Variants in C3orf49 observed in about 807,000 individuals in gnomAD.
C3orf49 encodes chromosome 3 open reading frame 49.
A neutral mutation model predicts 13.3 loss-of-function variants in C3orf49; 27 were observed. That is an observed-to-expected ratio of 2.02 (90% CI 1.49 to 2.79). The LOEUF (loss-of-function observed/expected upper bound fraction) is 2.79, where lower values mean the gene tolerates loss of function less well. Ranked by LOEUF, C3orf49 falls within the 30% of genes most tolerant of loss-of-function variation. The pLI, the probability that C3orf49 is intolerant of heterozygous loss-of-function variation, is 0.00. For synonymous variants in C3orf49, 87 were observed against 47.6 expected (o/e 1.83, Z -3.40); for missense variants, 242 against 134.2 (o/e 1.80, Z -3.97).
intron 5 of C3orf49, chr3:63,836,249 G>A (rs907693799): frequency 7.8e-6 from 12 of 1,543,676 alleles, no homozygotes; most frequent in African/African-American, 1.4e-5. Flanking sequence ...GGTAGTTTTC[G>A]AGCATTTATG....
At chr3:63,797,543 TCA>T in the C3orf49 span, among the ~76,000 whole-genome samples, 1 of 152,136 alleles carries the variant, frequency 6.6e-6, no homozygotes, top group East Asian at 1.9e-4. Context: ...ACACAGTTTC[TCA>T]CTCTCCTGCT....
the C3orf49 span, among the ~76,000 whole-genome samples, chr3:63,804,655 T>C: frequency 6.6e-6 from 1 of 152,314 alleles, no homozygotes; most frequent in South Asian, 2.1e-4. Flanking sequence ...TCTGCCTTTC[T>C]TGGCTGTTAC....
intron 5 of C3orf49, among the ~76,000 whole-genome samples, chr3:63,840,671 G>A (rs935005870): frequency 6.6e-6 from 1 of 152,182 alleles, no homozygotes; most frequent in Non-Finnish European, 1.5e-5. Context: ...TGTCTGCCTG[G>A]CAGTCCTGAG....
chr3:63,795,944 T>C, the C3orf49 span, among the ~76,000 whole-genome samples: 1 of 152,076 alleles, frequency 6.6e-6, no homozygotes, highest in Non-Finnish European at 1.5e-5. Context: ...GCCAACGTGT[T>C]TAGGGGGAAA....
the C3orf49 span, among the ~76,000 whole-genome samples, chr3:63,796,540 T>C: frequency 6.6e-6 from 1 of 152,184 alleles, no homozygotes; most frequent in Non-Finnish European, 1.5e-5. Context: ...CTAGCCTGTT[T>C]CTTCCTCGGG....
upstream of C3orf49, among the ~76,000 whole-genome samples, chr3:63,816,967 G>A (rs1036335460): frequency 6.6e-6 from 1 of 151,648 alleles, no homozygotes; most frequent in Non-Finnish European, 1.5e-5. Flanking sequence ...TAGAGATGGG[G>A]GTTTCACCAC....
At chr3:63,790,189 G>C in the C3orf49 span, among the ~76,000 whole-genome samples, 1 of 152,148 alleles carries the variant, frequency 6.6e-6, no homozygotes, top group East Asian at 1.9e-4. Flanking sequence ...GGGTATGCAA[G>C]TGGAGTATGA....
chr3:63,820,089 C>T (rs1701374893), intron 1 of C3orf49, among the ~76,000 whole-genome samples: 1 of 152,088 alleles, frequency 6.6e-6, no homozygotes, highest in Non-Finnish European at 1.5e-5. Flanking sequence ...TTGCCAATGA[C>T]AAAACCATAT....
At chr3:63,799,873 G>A in the C3orf49 span, among the ~76,000 whole-genome samples, 2 of 152,132 alleles carry the variant, frequency 1.3e-5, no homozygotes, top group African/African-American at 2.4e-5. Flanking sequence ...ACCTGAGGAC[G>A]AGACCTAGAG....
At chr3:63,810,787 A>G in the C3orf49 span, among the ~76,000 whole-genome samples, 1 of 152,240 alleles carries the variant, frequency 6.6e-6, no homozygotes, top group African/African-American at 2.4e-5. Context: ...ATCCCTTAAC[A>G]TACGATAATC....
chr3:63,809,213 C>T, the C3orf49 span, among the ~76,000 whole-genome samples: 2 of 152,096 alleles, frequency 1.3e-5, no homozygotes, highest in Admixed American at 6.6e-5. Context: ...TATTTTTGCT[C>T]ATTGACTTTC....
At chr3:63,818,623 C>T (rs896929419), upstream of C3orf49, among the ~76,000 whole-genome samples, 5 of 152,238 alleles carry the variant, frequency 3.3e-5, no homozygotes, top group Non-Finnish European at 7.3e-5. Flanking sequence ...ATTCTTGTAA[C>T]TCCCAGAACC....
intron 5 of C3orf49, chr3:63,834,169 GCTT>G (rs1559601182): frequency 3.1e-6 from 5 of 1,614,012 alleles, no homozygotes; most frequent in East Asian, 2.2e-5. Context: ...TGCTTCCTGA[GCTT>G]CTTCTACCTC....
the C3orf49 span, among the ~76,000 whole-genome samples, chr3:63,807,086 G>A: frequency 6.6e-6 from 1 of 151,770 alleles, no homozygotes; most frequent in Non-Finnish European, 1.5e-5. Context: ...CGAGTAGCTG[G>A]GACTACAGGC....
At chr3:63,788,535 G>A in the C3orf49 span, among the ~76,000 whole-genome samples, 1 of 152,058 alleles carries the variant, frequency 6.6e-6, no homozygotes, top group Non-Finnish European at 1.5e-5. Context: ...GACAGGAAGG[G>A]GACAGAAGGG....
chr3:63,807,039 T>C, the C3orf49 span, among the ~76,000 whole-genome samples: 1 of 151,980 alleles, frequency 6.6e-6, no homozygotes, highest in African/African-American at 2.4e-5. Context: ...GCAAGCTCCA[T>C]CTCCTGGGTT....
the C3orf49 span, among the ~76,000 whole-genome samples, chr3:63,794,892 T>C: frequency 6.6e-6 from 1 of 152,092 alleles, no homozygotes; most frequent in African/African-American, 2.4e-5. Flanking sequence ...ACCCTAACTT[T>C]CCATACCTAA....
chr3:63,827,263 A>G (rs2107102369), intron 2 of C3orf49: 1 of 177,790 alleles, frequency 5.6e-6, no homozygotes, highest in African/African-American at 2.3e-5. Context: ...ATCCACAATG[A>G]ATACCCAAGG....
the C3orf49 span, among the ~76,000 whole-genome samples, chr3:63,787,755 C>A: frequency 6.6e-6 from 1 of 152,024 alleles, no homozygotes; most frequent in Non-Finnish European, 1.5e-5. Flanking sequence ...TTTTCCCCTC[C>A]CATTGTATCT....
Sources: allele counts gnomAD v4.1 joint callset (sites outside exome capture counted in the v4.1 genomes callset), GRCh38; gene constraint gnomAD v4.1.1; transcripts MANE v1.5; gene names NCBI Gene and HGNC (gene_info 2026-07-23, HGNC 2026-07-21).